The following PDZRN4 variants were observed in gnomAD, a reference collection of about 807,000 sequenced individuals.
PDZRN4 encodes the protein PDZ domain containing ring finger 4, also known as PDZ domain-containing RING finger protein 4.
In PDZRN4, 70 loss-of-function variants were observed where a neutral mutation model predicts 99.0. The observed-to-expected ratio is 0.71, with a 90% CI of 0.58 to 0.86. The LOEUF (loss-of-function observed/expected upper bound fraction) is 0.86. Ranked by LOEUF, PDZRN4 falls within the 40% of genes least tolerant of loss-of-function variation. PDZRN4 has a pLI of 0.00. For synonymous variants in PDZRN4, 551 were observed against 501.6 expected (o/e 1.10, Z -1.32); for missense variants, 1,474 against 1,331.2 (o/e 1.11, Z -1.67).
chr12:41,507,510 A>T (rs1017359897), intron 4 of PDZRN4, among the ~76,000 whole-genome samples: 1 of 152,058 alleles, frequency 6.6e-6, no homozygotes, highest in Non-Finnish European at 1.5e-5. Context: ...TAAAACAAAG[A>T]TCTGAGTCAT....
chr12:41,421,005 C>G (rs1019810013), intron 3 of PDZRN4, among the ~76,000 whole-genome samples: 6 of 152,128 alleles, frequency 3.9e-5, no homozygotes, highest in Admixed American at 2.0e-4. Context: ...CCCAGACACT[C>G]AGTCTTGCAA....
chr12:41,520,800 T>C (rs1042474197), intron 5 of PDZRN4, among the ~76,000 whole-genome samples: 1 of 151,998 alleles, frequency 6.6e-6, no homozygotes, highest in Admixed American at 6.6e-5. Flanking sequence ...AAGCACTGGA[T>C]GGTAATATTT....
intron 3 of PDZRN4, among the ~76,000 whole-genome samples, chr12:41,229,921 A>G (rs1478751103): frequency 2.6e-5 from 4 of 152,202 alleles, no homozygotes; most frequent in East Asian, 1.9e-4. Flanking sequence ...TTTGTTACAC[A>G]TAAAGTTGGT....
chr12:41,403,901 T>C (rs1221641287), intron 3 of PDZRN4, among the ~76,000 whole-genome samples: 1 of 152,190 alleles, frequency 6.6e-6, no homozygotes, highest in Non-Finnish European at 1.5e-5. Context: ...AAAGATAATT[T>C]GCAGTAAGCC....
Position 41,343,317 on chromosome 12 carries a change from C to T in PDZRN4, c.843+149129C>T, listed in dbSNP as rs12227945. On this transcript the variant is annotated intron_variant, in intron 3 of 9. Coordinates refer to ENST00000402685, the MANE Select transcript of PDZRN4 (RefSeq NM_001164595.2). The stretch of plus-strand genomic sequence containing the variant: ...ATCTCCAGTTTCATTTTTAATTGAG[C>T]TTACTTGAAACTTCTCTCTTCTTTT... Among the ~76,000 whole-genome samples, 64 of 151,996 alleles carry T rather than the reference C, an allele frequency of 4.2e-4. No individual in the cohort carries two copies. The East Asian group carries it at 0.011, about 25-fold the overall frequency.
At chr12:41,290,741 A>G (rs1951452118) in intron 3 of PDZRN4, among the ~76,000 whole-genome samples, 2 of 152,126 alleles carry the variant, frequency 1.3e-5, no homozygotes, top group South Asian at 4.1e-4. Context: ...GGTATTCAAC[A>G]ATCTTTTGGA....
intron 3 of PDZRN4, among the ~76,000 whole-genome samples, chr12:41,433,089 T>G (rs1319469544): frequency 6.6e-6 from 1 of 152,202 alleles, no homozygotes; most frequent in Non-Finnish European, 1.5e-5. Context: ...AGCTGTGACA[T>G]TCAAAAAATT....
At chr12:41,261,345 A>G (rs1417093650) in intron 3 of PDZRN4, among the ~76,000 whole-genome samples, 1 of 152,208 alleles carries the variant, frequency 6.6e-6, no homozygotes, top group Non-Finnish European at 1.5e-5. Context: ...GCCCCATTCC[A>G]TGTGGATTAT....
chr12:41,304,734 C>T (rs1366850668), intron 3 of PDZRN4, among the ~76,000 whole-genome samples: 2 of 152,122 alleles, frequency 1.3e-5, no homozygotes, highest in East Asian at 1.9e-4. Flanking sequence ...ATAAGAGATG[C>T]AAGCAAACAA....
In PDZRN4 at chr12:41,381,231, T is replaced by G. The variant is rs11180873; in HGVS notation, c.844-125225T>G. On this transcript the variant is annotated intron_variant, in intron 3 of 9. Transcript: ENST00000402685. ...TAGATTAAACCTATTTAGGACTATT[T>G]GGGTCTCATGAATCTGGATGTCCAT... 3.3e-3 allele frequency among the ~76,000 whole-genome samples: 496 copies of G among 152,284 alleles called. 18 individuals carry two copies. The East Asian group carries it at 0.088, about 27-fold the overall frequency.
intron 3 of PDZRN4, among the ~76,000 whole-genome samples, chr12:41,245,191 C>T (rs1400917733): frequency 6.6e-6 from 1 of 152,084 alleles, no homozygotes; most frequent in African/African-American, 2.4e-5. Flanking sequence ...TGGTTTATTA[C>T]ACTTCCCCGA....
chr12:41,379,112 T>C (rs1952103618), intron 3 of PDZRN4, among the ~76,000 whole-genome samples: 1 of 152,090 alleles, frequency 6.6e-6, no homozygotes, highest in African/African-American at 2.4e-5. Context: ...TCCAGGAATT[T>C]ATTCATTTTT....
intron 3 of PDZRN4, among the ~76,000 whole-genome samples, chr12:41,296,372 C>T (rs956918230): frequency 2.6e-5 from 4 of 152,162 alleles, no homozygotes; most frequent in African/African-American, 9.7e-5. Flanking sequence ...TTCTTGGCAA[C>T]ATTTTTGGGG....
At chr12:41,326,935 CT>C (rs1417129634) in intron 3 of PDZRN4, among the ~76,000 whole-genome samples, 2 of 152,120 alleles carry the variant, frequency 1.3e-5, no homozygotes, top group Admixed American at 1.3e-4. Context: ...GGAAATAATA[CT>C]GAATGACATA....
intron 3 of PDZRN4, among the ~76,000 whole-genome samples, chr12:41,468,677 G>C (rs1197125510): frequency 6.6e-6 from 1 of 151,910 alleles, no homozygotes; most frequent in Non-Finnish European, 1.5e-5. Context: ...TAACTTTATG[G>C]GTCTTTCTCT....
chr12:41,548,914 C>T (rs187104792), intron 5 of PDZRN4, among the ~76,000 whole-genome samples: 1 of 152,322 alleles, frequency 6.6e-6, no homozygotes, highest in East Asian at 1.9e-4. Flanking sequence ...TAATCTTCTA[C>T]TCCACCTTCA....
At position 41,574,063 on chromosome 12, in the gene PDZRN4, G is replaced by A. The variant is rs565808143; in HGVS notation, c.*173G>A. The A allele has an allele frequency of 2.1e-5, 9 of 419,700 alleles. No homozygotes were observed. In the East Asian group the frequency reaches 2.7e-4, roughly 13 times the overall value. 26.0% of individuals were successfully genotyped at this position (419,700 alleles called of 1,614,324 possible). A position where few individuals can be genotyped will look rare whatever the true frequency, so the allele number is the denominator to read the frequency against. On this transcript the variant is annotated 3_prime_UTR_variant, in exon 10 of 10. Transcript: ENST00000402685. Reference sequence around the variant, plus strand: ...TTTTTCATTTGTTTTTCATATACTGGTACCTTCTTTTTGGCTGAGATCTTT... The same window carrying A: ...TTTTTCATTTGTTTTTCATATACTGATACCTTCTTTTTGGCTGAGATCTTT...
At chr12:41,479,754 A>G (rs551797220) in intron 3 of PDZRN4, among the ~76,000 whole-genome samples, 9 of 152,338 alleles carry the variant, frequency 5.9e-5, no homozygotes, top group African/African-American at 1.9e-4. Flanking sequence ...CAAGATATCA[A>G]TAACAAATTT....
intron 3 of PDZRN4, among the ~76,000 whole-genome samples, chr12:41,268,826 G>A (rs1164609563): frequency 1.3e-5 from 2 of 152,092 alleles, no homozygotes; most frequent in East Asian, 1.9e-4. Flanking sequence ...AATTAAATTC[G>A]AGAAAGGACA....
Sources: gnomAD v4.1 joint callset for allele counts (sites outside exome capture counted in the v4.1 genomes callset) on GRCh38, gnomAD v4.1.1 for gene constraint, MANE v1.5 for transcripts, NCBI Gene and HGNC (gene_info 2026-07-23, HGNC 2026-07-21) for gene names.